Variants in PRKAR2A observed in about 807,000 individuals in gnomAD.
PRKAR2A encodes protein kinase cAMP-dependent type II regulatory subunit alpha, also known as cAMP-dependent protein kinase type II-alpha regulatory subunit.
In PRKAR2A, 29 loss-of-function variants were observed where a neutral mutation model predicts 51.9. The ratio of observed to expected loss-of-function variants is 0.56; its 90% CI spans 0.42 to 0.76. The LOEUF (loss-of-function observed/expected upper bound fraction) is 0.76. PRKAR2A is among the 30% of genes least tolerant of loss of function. The pLI is 0.00. For synonymous variants in PRKAR2A, 178 were observed against 186.2 expected, an observed-to-expected ratio of 0.96 and a Z score of 0.36; for missense variants, 445 against 512.1, an observed-to-expected ratio of 0.87 and a Z score of 1.26.
At chr3:48,841,030 CA>C (rs1367764329) in intron 1 of PRKAR2A, among the ~76,000 whole-genome samples, 2 of 150,830 alleles carry the variant, frequency 1.3e-5, no homozygotes, top group African/African-American at 4.9e-5. Context: ...TACAGGCGCA[CA>C]CCACCACACC....
At chr3:48,817,803 A>C (rs1481287333) in intron 1 of PRKAR2A, among the ~76,000 whole-genome samples, 1 of 152,050 alleles carries the variant, frequency 6.6e-6, no homozygotes, top group Non-Finnish European at 1.5e-5. Flanking sequence ...AAGCAAAAAA[A>C]GATTTGGTAT....
chr3:48,798,238 C>T (rs1004077597), intron 2 of PRKAR2A, among the ~76,000 whole-genome samples: 1 of 152,140 alleles, frequency 6.6e-6, no homozygotes, highest in Non-Finnish European at 1.5e-5. Context: ...CAAGTGTGAG[C>T]CACCATGCCC....
intron 1 of PRKAR2A, among the ~76,000 whole-genome samples, chr3:48,836,419 T>TAAAAAAAA (rs548970318): frequency 1.7e-3 from 93 of 56,090 alleles, no homozygotes; most frequent in Non-Finnish European, 2.5e-3. Flanking sequence ...AGACTCCGTC[T>TAAAAAAAA]AAAAAAAAAA....
chr3:48,787,145 GA>G (rs1195543908), intron 4 of PRKAR2A, among the ~76,000 whole-genome samples: 2 of 144,618 alleles, frequency 1.4e-5, no homozygotes, highest in Non-Finnish European at 3.0e-5. Context: ...ACATTATTGA[GA>G]AAAGTAATTA....
Position 48,747,585 on chromosome 3 carries a change from A to G in PRKAR2A, c.*4000T>C, listed in dbSNP as rs897006840. ...TCTACCCTGATTTCTGAGAGTCTAC[A>G]GCAATATATGTAACACAATTATATA... On this transcript the variant is annotated 3_prime_UTR_variant, in exon 11 of 11. Transcript: ENST00000265563. 2.6e-5 allele frequency: 4 copies of G among 152,230 alleles called. No homozygotes were observed. The highest frequency in any genetic ancestry group is 5.9e-5 in the Non-Finnish European group (4 of 68,044). 9.4% of individuals were successfully genotyped at this position (152,230 alleles called of 1,614,324 possible).
At position 48,754,375 on chromosome 3, in the gene PRKAR2A, C is replaced by T. The variant is rs371146876; in HGVS notation, c.939+2004G>A. ...GCCTCAGCCTCCTGAGTAGCTGTGA[C>T]TACAGCTATGTGCCACCACGCCCGG... On this transcript the variant is annotated intron_variant, in intron 9 of 10. Transcript: ENST00000265563. 2.5e-3 allele frequency among the ~76,000 whole-genome samples: 386 copies of T among 151,994 alleles called. 3 individuals carry two copies. Among genetic ancestry groups the T allele is most frequent in the African/African-American group, 8.4e-3 (350 of 41,480 alleles).
intron 8 of PRKAR2A, among the ~76,000 whole-genome samples, chr3:48,759,197 C>A (rs1157467098): frequency 6.6e-6 from 1 of 152,130 alleles, no homozygotes; most frequent in Admixed American, 6.6e-5. Flanking sequence ...CATGAAACAG[C>A]CTGGTTAGGC....
At chr3:48,825,288 A>G (rs1255832813) in intron 1 of PRKAR2A, among the ~76,000 whole-genome samples, 1 of 151,970 alleles carries the variant, frequency 6.6e-6, no homozygotes, top group East Asian at 1.9e-4. Flanking sequence ...GATTAGAGGC[A>G]TGAGGCCACC....
intron 5 of PRKAR2A, among the ~76,000 whole-genome samples, chr3:48,773,339 C>CTTTTTTTTTTT (rs34140561): frequency 3.4e-5 from 3 of 87,660 alleles, no homozygotes; most frequent in Admixed American, 1.6e-4. Flanking sequence ...ATTTTCTTTT[C>CTTTTTTTTTTT]TTTTTTTTTT....
At chr3:48,772,122 C>T (rs2082037669) in intron 6 of PRKAR2A, among the ~76,000 whole-genome samples, 1 of 152,102 alleles carries the variant, frequency 6.6e-6, no homozygotes, top group Non-Finnish European at 1.5e-5. Context: ...CAGAGTCTTC[C>T]TATGTTTGCT....
At chr3:48,756,557 C>A (rs960838647) in intron 8 of PRKAR2A, 113 bp from the exon 9 acceptor site, 23 of 760,602 alleles carry the variant, frequency 3.0e-5, no homozygotes, top group Middle Eastern at 2.6e-4. Context: ...TTTAACTCTG[C>A]AAATGAATCA....
At chr3:48,762,726 A>G (rs1292928311) in intron 8 of PRKAR2A, among the ~76,000 whole-genome samples, 1 of 152,082 alleles carries the variant, frequency 6.6e-6, no homozygotes, top group Non-Finnish European at 1.5e-5. Flanking sequence ...GCGCCATTGC[A>G]CTCCAGCCTG....
At chr3:48,809,595 C>CAAAAAAAA (rs57623385) in intron 1 of PRKAR2A, among the ~76,000 whole-genome samples, 1 of 49,350 alleles carries the variant, frequency 2.0e-5, no homozygotes, top group Non-Finnish European at 3.3e-5. Flanking sequence ...GACTCCATCT[C>CAAAAAAAA]AAAAAAAAAA....
At chr3:48,819,455 CAG>C in intron 1 of PRKAR2A, among the ~76,000 whole-genome samples, 1 of 152,316 alleles carries the variant, frequency 6.6e-6, no homozygotes, top group East Asian at 1.9e-4. Context: ...GACTGAGACT[CAG>C]AGAATTGTAC....
intron 5 of PRKAR2A, among the ~76,000 whole-genome samples, chr3:48,773,478 G>A (rs1458719363): frequency 1.3e-5 from 2 of 151,412 alleles, no homozygotes; most frequent in East Asian, 2.0e-4. Flanking sequence ...CGAGTAGCTG[G>A]GACTACAGGC....
Position 48,750,374 on chromosome 3 carries a change from CAAAAAAA to C in PRKAR2A, c.*1204_*1210del, listed in dbSNP as rs925822080. On this transcript the variant is annotated 3_prime_UTR_variant, in exon 11 of 11. Transcript: ENST00000265563. ...GCGAAACTCCGTCTCAAAAAGAAAA[CAAAAAAA>C]AAATTTTTGTTTTTGTAGAGACAGG... 6.6e-6 allele frequency: 1 copy of C among 150,406 alleles called. No individual in the cohort carries two copies. The highest frequency in any genetic ancestry group is 1.5e-5 in the Non-Finnish European group (1 of 67,772). The allele number at this position is 150,406 out of a possible 1,614,324, so 9.3% of individuals were successfully genotyped here. A position where few individuals can be genotyped will look rare whatever the true frequency, so the allele number is the denominator to read the frequency against.
At chr3:48,780,877 T>A (rs1414237682) in intron 5 of PRKAR2A, among the ~76,000 whole-genome samples, 1 of 152,178 alleles carries the variant, frequency 6.6e-6, no homozygotes, top group Non-Finnish European at 1.5e-5. Context: ...TTTATAATTG[T>A]TCTGTAGTAA....
At chr3:48,826,039 G>A (rs896574128) in intron 1 of PRKAR2A, among the ~76,000 whole-genome samples, 19 of 152,180 alleles carry the variant, frequency 1.2e-4, no homozygotes, top group Admixed American at 8.5e-4. Flanking sequence ...AAGGCAGCAC[G>A]ATCACTGGAG....
intron 5 of PRKAR2A, among the ~76,000 whole-genome samples, chr3:48,779,197 C>A (rs1186528446): frequency 6.6e-6 from 1 of 151,938 alleles, no homozygotes; most frequent in South Asian, 2.1e-4. Context: ...TGGGCTCAGA[C>A]AATCCTCCCA....
Sources: gnomAD v4.1 joint callset for allele counts (sites outside exome capture counted in the v4.1 genomes callset) on GRCh38, gnomAD v4.1.1 for gene constraint, MANE v1.5 for transcripts, NCBI Gene and HGNC (gene_info 2026-07-23, HGNC 2026-07-21) for gene names.